The following PCDH11X variants were observed in gnomAD, a reference collection of about 807,000 sequenced individuals.
PCDH11X encodes the protein protocadherin 11 X-linked.
Under a neutral mutation model 53.3 loss-of-function variants are expected in PCDH11X, and 18 were observed. The ratio of observed to expected loss-of-function variants is 0.34; its 90% CI spans 0.23 to 0.50. The LOEUF (loss-of-function observed/expected upper bound fraction) is 0.50, where lower values mean the gene tolerates loss of function less well. PCDH11X is among the 20% of genes least tolerant of loss of function. The probability of loss-of-function intolerance (pLI) is 0.98; values close to 1 mark genes in which losing one functional copy is unlikely to be tolerated. For synonymous variants in PCDH11X, 279 were observed against 393.3 expected, an observed-to-expected ratio of 0.71 and a Z score of 3.44; for missense variants, 570 against 1,032.4, an observed-to-expected ratio of 0.55 and a Z score of 6.14.
At chrX:91,981,653 T>A (rs1474641911) in intron 6 of PCDH11X, among the ~76,000 whole-genome samples, 2 of 111,434 alleles carry the variant, frequency 1.8e-5, no homozygotes, top group Non-Finnish European at 3.8e-5. Context: ...AGAAAGAGGT[T>A]TATTGGACTT....
chrX:91,825,398 T>A (rs1421085526), intron 4 of PCDH11X, among the ~76,000 whole-genome samples: 4 of 111,725 alleles, frequency 3.6e-5, no homozygotes, highest in Non-Finnish European at 7.5e-5. Context: ...TTTAAGCCCG[T>A]CGGAAAAGCA....
At chrX:92,585,060 G>C (rs979238265) in intron 10 of PCDH11X, among the ~76,000 whole-genome samples, 1 of 110,229 alleles carries the variant, frequency 9.1e-6, no homozygotes, top group Non-Finnish European at 1.9e-5. Context: ...TTTCTGGGTA[G>C]ACCTCAGAAA....
chrX:92,339,807 C>T (rs1468542442), intron 8 of PCDH11X, among the ~76,000 whole-genome samples: 2 of 108,705 alleles, frequency 1.8e-5, no homozygotes, highest in African/African-American at 3.4e-5. Context: ...CTTATCCAAA[C>T]TATATCATTC....
intron 6 of PCDH11X, among the ~76,000 whole-genome samples, chrX:92,183,881 A>G (rs1450297579): frequency 9.0e-6 from 1 of 111,575 alleles, no homozygotes; most frequent in Non-Finnish European, 1.9e-5. Flanking sequence ...TCCTTTCTTG[A>G]TCACTCTATG....
chrX:92,048,250 A>G (rs929549339), intron 6 of PCDH11X, among the ~76,000 whole-genome samples: 1 of 108,400 alleles, frequency 9.2e-6, no homozygotes, highest in Non-Finnish European at 1.9e-5. Flanking sequence ...AAAAAAAAAA[A>G]AAAAACCGAC....
chrX:92,115,645 G>A (rs2064622978), intron 6 of PCDH11X, among the ~76,000 whole-genome samples: 1 of 110,817 alleles, frequency 9.0e-6, no homozygotes, highest in Non-Finnish European at 1.9e-5. Flanking sequence ...TGTGGCTGAA[G>A]GCCTGAGAGC....
chrX:92,101,475 T>C (rs143904221), intron 6 of PCDH11X, among the ~76,000 whole-genome samples: 2,593 of 111,434 alleles, frequency 0.023, 72 homozygotes, highest in African/African-American at 0.081. Context: ...TCCATTCTAC[T>C]TTTCTTGAAG....
At chrX:91,842,577 T>C (rs1180731724) in intron 5 of PCDH11X, among the ~76,000 whole-genome samples, 1 of 108,873 alleles carries the variant, frequency 9.2e-6, no homozygotes. Flanking sequence ...TTGTATTTCC[T>C]TTGAAATAGA....
intron 10 of PCDH11X, among the ~76,000 whole-genome samples, chrX:92,564,651 A>G (rs1412273888): frequency 2.7e-5 from 3 of 111,885 alleles, no homozygotes; most frequent in African/African-American, 9.7e-5. Context: ...CTAAGAACTC[A>G]AACTATAAAA....
intron 6 of PCDH11X, among the ~76,000 whole-genome samples, chrX:92,004,113 G>T (rs1437252362): frequency 3.6e-5 from 4 of 110,883 alleles, no homozygotes; most frequent in African/African-American, 1.3e-4. Context: ...AGAAATTTTT[G>T]AATTCATTCT....
Position 91,883,533 on chromosome X carries a change from C to T in PCDH11X, c.3033+4260C>T, listed in dbSNP as rs1364821353. The T allele has an allele frequency of 2.0e-5, 15 of 745,294 alleles. No individual in the cohort carries two copies. In the Admixed American group the frequency reaches 2.6e-4, roughly 13 times the overall value. The allele number at this position is 745,294 out of a possible 1,213,427, so 61.4% of individuals were successfully genotyped here. On this transcript the variant is annotated intron_variant, in intron 6 of 10. Coordinates refer to ENST00000682573, the MANE Select transcript of PCDH11X (RefSeq NM_032968.5). Reference sequence around the variant, plus strand: ...GCTTAAAAGTTGAGTGGGCCGGGCGCGGTGGCTCACGCCTGTAATCCCAGC... The same window carrying T: ...GCTTAAAAGTTGAGTGGGCCGGGCGTGGTGGCTCACGCCTGTAATCCCAGC...
chrX:92,218,880 G>A (rs1298689382), intron 7 of PCDH11X, among the ~76,000 whole-genome samples: 1 of 111,556 alleles, frequency 9.0e-6, no homozygotes, highest in African/African-American at 3.3e-5. Context: ...TGGGATGCAA[G>A]GCTGGTTCAA....
intron 6 of PCDH11X, among the ~76,000 whole-genome samples, chrX:92,084,673 C>A (rs35886339): frequency 9.0e-6 from 1 of 111,422 alleles, no homozygotes; most frequent in Non-Finnish European, 1.9e-5. Context: ...GAGTGCAGCT[C>A]GCATGTAGTA....
chrX:92,295,143 G>A (rs959753909), intron 8 of PCDH11X, among the ~76,000 whole-genome samples: 2 of 106,598 alleles, frequency 1.9e-5, no homozygotes, highest in African/African-American at 6.8e-5. Flanking sequence ...TTTTGCAAAG[G>A]GTAAATGCAA....
chrX:91,872,415 T>C (rs1430712796), intron 5 of PCDH11X, among the ~76,000 whole-genome samples: 21 of 110,740 alleles, frequency 1.9e-4, no homozygotes, highest in Non-Finnish European at 3.4e-4. Flanking sequence ...TCTGCTCTTC[T>C]TTTATCTTTT....
At chrX:92,081,826 T>C (rs1267415637) in intron 6 of PCDH11X, among the ~76,000 whole-genome samples, 1 of 111,433 alleles carries the variant, frequency 9.0e-6, no homozygotes, top group Non-Finnish European at 1.9e-5. Context: ...CAAGCCATGA[T>C]GATTATATGA....
At chrX:92,226,603 A>G (rs755167723) in intron 7 of PCDH11X, among the ~76,000 whole-genome samples, 1 of 112,077 alleles carries the variant, frequency 8.9e-6, no homozygotes, top group African/African-American at 3.2e-5. Flanking sequence ...AAAGAAAAGC[A>G]GGAAAAAGAG....
chrX:92,555,088 G>C (rs1456186573), intron 10 of PCDH11X, among the ~76,000 whole-genome samples: 1 of 111,456 alleles, frequency 9.0e-6, no homozygotes. Flanking sequence ...CCAACACCTG[G>C]TGCAACATAG....
intron 6 of PCDH11X, among the ~76,000 whole-genome samples, chrX:92,039,521 C>T: frequency 9.1e-6 from 1 of 110,378 alleles, no homozygotes; most frequent in Non-Finnish European, 1.9e-5. Flanking sequence ...GGATTTCTGC[C>T]AGGCCACTGC....
Sources: gnomAD v4.1 joint callset for allele counts (sites outside exome capture counted in the v4.1 genomes callset) on GRCh38, gnomAD v4.1.1 for gene constraint, MANE v1.5 for transcripts, NCBI Gene and HGNC (gene_info 2026-07-23, HGNC 2026-07-21) for gene names.